NEGR1: variants seen among roughly 807,000 people sequenced by gnomAD.
NEGR1 encodes the protein neuronal growth regulator 1, also known as IgLON family member 4.
A neutral mutation model predicts 40.9 loss-of-function variants in NEGR1; 10 were observed. That is an observed-to-expected ratio of 0.24 (90% CI 0.15 to 0.42). The LOEUF is 0.42. Ranked by LOEUF, NEGR1 falls within the 10% of genes least tolerant of loss-of-function variation. The pLI is 1.00. For synonymous variants in NEGR1, 185 were observed against 166.8 expected (o/e 1.11, Z -0.84); for missense variants, 352 against 438.9 (o/e 0.80, Z 1.77).
At chr1:71,918,080 G>A (rs999836881) in intron 2 of NEGR1, among the ~76,000 whole-genome samples, 4 of 150,664 alleles carry the variant, frequency 2.7e-5, no homozygotes, top group African/African-American at 7.3e-5. Flanking sequence ...AGCCGGGCAT[G>A]GTGGCGGGTG....
chr1:72,152,040 G>A (rs1355088713), intron 1 of NEGR1, among the ~76,000 whole-genome samples: 2 of 151,676 alleles, frequency 1.3e-5, no homozygotes, highest in Non-Finnish European at 3.0e-5. Context: ...GAACACATAT[G>A]GAATACTGCA....
At chr1:71,927,933 A>T (rs1266603405) in intron 2 of NEGR1, among the ~76,000 whole-genome samples, 3 of 143,110 alleles carry the variant, frequency 2.1e-5, no homozygotes, top group Admixed American at 7.2e-5. Context: ...AGGGAGGTTG[A>T]GGCTGCAGTA....
At chr1:72,206,465 G>A (rs1279178044) in intron 1 of NEGR1, among the ~76,000 whole-genome samples, 1 of 152,026 alleles carries the variant, frequency 6.6e-6, no homozygotes, top group Non-Finnish European at 1.5e-5. Context: ...ATTTGATGCT[G>A]CTATTTATAC....
At chr1:71,624,969 C>G (rs1317277468) in intron 4 of NEGR1, among the ~76,000 whole-genome samples, 1 of 151,852 alleles carries the variant, frequency 6.6e-6, no homozygotes, top group Admixed American at 6.6e-5. Context: ...ATTCCAAGTC[C>G]TAAGACCAGT....
At chr1:71,643,791 C>T (rs1651435979) in intron 4 of NEGR1, among the ~76,000 whole-genome samples, 1 of 151,838 alleles carries the variant, frequency 6.6e-6, no homozygotes, top group African/African-American at 2.4e-5. Flanking sequence ...AATAGAATGC[C>T]TTCAAGACTA....
intron 6 of NEGR1, among the ~76,000 whole-genome samples, chr1:71,521,749 T>C (rs917780501): frequency 6.6e-6 from 1 of 151,982 alleles, no homozygotes; most frequent in Non-Finnish European, 1.5e-5. Flanking sequence ...AATAGTCTGA[T>C]GAAATATTTT....
In NEGR1 at chr1:71,397,452, A is replaced by G. The variant is rs7550199; in HGVS notation, c.*9994T>C. Reference sequence around the variant, plus strand: ...AGCAATTCTTCTGCTTCAGCCTCCCAAGCAGTTGAGATTACAGGCATGTGC... The same window carrying G: ...AGCAATTCTTCTGCTTCAGCCTCCCGAGCAGTTGAGATTACAGGCATGTGC... On this transcript the variant is annotated 3_prime_UTR_variant, in exon 7 of 7. Coordinates refer to ENST00000357731, the MANE Select transcript of NEGR1 (RefSeq NM_173808.3). 0.17 allele frequency: 25,817 copies of G among 152,390 alleles called. 2,405 individuals carry two copies. The highest frequency in any genetic ancestry group is 0.24 in the Middle Eastern group (70 of 296). The allele number at this position is 152,390 out of a possible 1,614,324, so 9.4% of individuals were successfully genotyped here.
At chr1:71,984,827 A>AC (rs1433803341) in intron 1 of NEGR1, among the ~76,000 whole-genome samples, 9 of 152,128 alleles carry the variant, frequency 5.9e-5, no homozygotes, top group African/African-American at 2.2e-4. Context: ...GTCTTTACTT[A>AC]TTTTTAGCTG....
intron 1 of NEGR1, among the ~76,000 whole-genome samples, chr1:72,101,185 T>A (rs566903304): frequency 6.6e-6 from 1 of 152,296 alleles, no homozygotes; most frequent in African/African-American, 2.4e-5. Context: ...TTATAAAACA[T>A]CTTTATGAGC....
At chr1:72,125,519 G>A (rs1649978641) in intron 1 of NEGR1, among the ~76,000 whole-genome samples, 2 of 151,974 alleles carry the variant, frequency 1.3e-5, no homozygotes, top group African/African-American at 4.8e-5. Context: ...TTATTTGTAA[G>A]TAATTTGTAA....
chr1:71,513,504 C>T (rs1647091748), intron 6 of NEGR1, among the ~76,000 whole-genome samples: 1 of 152,194 alleles, frequency 6.6e-6, no homozygotes, highest in African/African-American at 2.4e-5. Flanking sequence ...ATAACAAAAA[C>T]TCTGGTGGAT....
In NEGR1 at chr1:72,182,937, A is replaced by G. The variant is rs182411226; in HGVS notation, c.176+99382T>C. 1.8e-4 allele frequency among the ~76,000 whole-genome samples: 27 copies of G among 152,152 alleles called. No individual in the cohort carries two copies. The East Asian group carries it at 4.6e-3, about 26-fold the overall frequency. ...TAAAATGAAAACAAAAAAGTTTCACATAATATCATACAGAATGAAATTCAC... is the reference window on the plus strand; with the variant it reads ...TAAAATGAAAACAAAAAAGTTTCACGTAATATCATACAGAATGAAATTCAC... On this transcript the variant is annotated intron_variant, in intron 1 of 6. Coordinates refer to ENST00000357731, the MANE Select transcript of NEGR1 (RefSeq NM_173808.3).
At chr1:72,158,495 C>A (rs1012744060) in intron 1 of NEGR1, among the ~76,000 whole-genome samples, 2 of 152,070 alleles carry the variant, frequency 1.3e-5, no homozygotes, top group South Asian at 4.1e-4. Context: ...AGTGGCCCAA[C>A]CAACTCCACT....
At chr1:72,005,793 AT>A (rs1646601320) in intron 1 of NEGR1, among the ~76,000 whole-genome samples, 1 of 152,162 alleles carries the variant, frequency 6.6e-6, no homozygotes, top group South Asian at 2.1e-4. Context: ...AGGAAAGAAT[AT>A]TTAGAAAAAG....
intron 3 of NEGR1, among the ~76,000 whole-genome samples, chr1:71,735,858 T>TC (rs1655026389): frequency 6.6e-6 from 1 of 152,024 alleles, no homozygotes; most frequent in Non-Finnish European, 1.5e-5. Context: ...TAAAGGAATT[T>TC]GAAAAAAAAT....
At chr1:72,098,677 C>T (rs1347126962) in intron 1 of NEGR1, among the ~76,000 whole-genome samples, 1 of 152,102 alleles carries the variant, frequency 6.6e-6, no homozygotes, top group Non-Finnish European at 1.5e-5. Flanking sequence ...TACAAAGAAT[C>T]TCTGAACTTA....
In NEGR1 at chr1:72,164,291, G is replaced by GT. The variant is rs146517950; in HGVS notation, c.176+118027dup. 6.7e-4 allele frequency among the ~76,000 whole-genome samples: 100 copies of GT among 148,622 alleles called. No homozygotes were observed. The Middle Eastern group carries it at 0.01, about 16-fold the overall frequency. Reference sequence around the variant, plus strand: ...AATGTAACCCATTGACTTGAAAACTGTTTTTTTTTTAAATTTTTATTTATT... The same window carrying GT: ...AATGTAACCCATTGACTTGAAAACTGTTTTTTTTTTTAAATTTTTATTTATT... On this transcript the variant is annotated intron_variant, in intron 1 of 6. Transcript: ENST00000357731.
At chr1:71,513,087 A>G (rs1647088323) in intron 6 of NEGR1, among the ~76,000 whole-genome samples, 1 of 152,210 alleles carries the variant, frequency 6.6e-6, no homozygotes, top group African/African-American at 2.4e-5. Context: ...GGATACAATT[A>G]TAGATACAAT....
chr1:71,942,452 AATCTAT>A (rs1553123451), intron 1 of NEGR1, among the ~76,000 whole-genome samples: 3 of 34,262 alleles, frequency 8.8e-5, no homozygotes, highest in African/African-American at 2.9e-4. Flanking sequence ...AAATTCTTTA[AATCTAT>A]ATATATATAT....
Sources: allele counts gnomAD v4.1 joint callset (sites outside exome capture counted in the v4.1 genomes callset), GRCh38; gene constraint gnomAD v4.1.1; transcripts MANE v1.5; gene names NCBI Gene and HGNC (gene_info 2026-07-23, HGNC 2026-07-21).